Variants in SGK3 observed in about 807,000 individuals in gnomAD.
SGK3 encodes serine/threonine-protein kinase Sgk3.
A neutral mutation model predicts 68.5 loss-of-function variants in SGK3; 47 were observed. The ratio of observed to expected loss-of-function variants is 0.69; its 90% CI spans 0.54 to 0.87. The LOEUF is 0.87. Ranked by LOEUF, SGK3 falls within the 40% of genes least tolerant of loss-of-function variation. The pLI is 0.00. For synonymous variants in SGK3, 181 were observed against 189.1 expected (o/e 0.96, Z 0.35); for missense variants, 479 against 575.5 (o/e 0.83, Z 1.72).
chr8:66,759,709 C>T, intron 1 of SGK3, among the ~76,000 whole-genome samples: 1 of 152,096 alleles, frequency 6.6e-6, no homozygotes. Context: ...GTTGCCCAGG[C>T]TGGAGTGCAG....
chr8:66,718,181 A>G lies in SGK3; in HGVS notation c.-122+5348A>G, dbSNP rs1012734306. Among the ~76,000 whole-genome samples the G allele has an allele frequency of 4.6e-5, 7 of 151,092 alleles. No homozygotes were observed. The South Asian group carries it at 8.4e-4, about 18-fold the overall frequency. On this transcript the variant is annotated intron_variant, in intron 1 of 16. Transcript: ENST00000521198. ...GCTGGGACTACAGGCGCCTACCACC[A>G]TATCTGGCTAATTTTGTATTTTTAG...
At chr8:66,856,668 G>T (rs78312178) in intron 16 of SGK3, among the ~76,000 whole-genome samples, 4,306 of 152,222 alleles carry the variant, frequency 0.028, 114 homozygotes, top group African/African-American at 0.054. Context: ...GCAAGTCAGA[G>T]AACATTGCCA....
At chr8:66,747,598 C>G (rs373913816) in intron 1 of SGK3, among the ~76,000 whole-genome samples, 3 of 152,134 alleles carry the variant, frequency 2.0e-5, no homozygotes, top group African/African-American at 7.2e-5. Flanking sequence ...CACTTTGCCA[C>G]TCAGGCGAGA....
At position 66,735,788 on chromosome 8, in the gene SGK3, A is replaced by C. The variant is rs900602153; in HGVS notation, c.-122+22955A>C. ...TTCTTTTTTTTCTTAACCCTTCAGA[A>C]TTACATCCAAAATATCATTAAATTT... On this transcript the variant is annotated intron_variant, in intron 1 of 16. Transcript: ENST00000521198. Among the ~76,000 whole-genome samples the C allele has an allele frequency of 3.3e-5, 5 of 152,140 alleles. 1 individual carries two copies. Among genetic ancestry groups the C allele is most frequent in the Admixed American group, 3.3e-4 (5 of 15,266 alleles).
intron 1 of SGK3, among the ~76,000 whole-genome samples, chr8:66,742,806 C>G (rs1805520462): frequency 6.6e-6 from 1 of 152,198 alleles, no homozygotes; most frequent in Non-Finnish European, 1.5e-5. Flanking sequence ...GGAGTAAGAT[C>G]AGACTCAGCA....
At chr8:66,776,679 CTT>C (rs1806725647) in intron 1 of SGK3, among the ~76,000 whole-genome samples, 1 of 152,324 alleles carries the variant, frequency 6.6e-6, no homozygotes, top group Non-Finnish European at 1.5e-5. Context: ...TAGTTACTAT[CTT>C]TATCTTTGAC....
chr8:66,720,781 T>TTTTATATATA (rs1554590872), intron 1 of SGK3, among the ~76,000 whole-genome samples: 2 of 146,248 alleles, frequency 1.4e-5, no homozygotes, highest in African/African-American at 5.3e-5. Context: ...AAAAAAAAAA[T>TTTTATATATA]TATATATATA....
At chr8:66,842,343 C>G (rs1420118990) in intron 13 of SGK3, among the ~76,000 whole-genome samples, 2 of 151,892 alleles carry the variant, frequency 1.3e-5, no homozygotes, top group East Asian at 1.9e-4. Context: ...GCCTCAGCCC[C>G]CCGAGTAGCT....
intron 3 of SGK3, among the ~76,000 whole-genome samples, chr8:66,800,364 G>A (rs1807885059): frequency 6.8e-6 from 1 of 147,846 alleles, no homozygotes; most frequent in Non-Finnish European, 1.5e-5. Flanking sequence ...TGGCGGGGGG[G>A]GAGTTTTTTC....
chr8:66,826,007 C>CT (rs973680219), intron 6 of SGK3, among the ~76,000 whole-genome samples: 7 of 151,904 alleles, frequency 4.6e-5, no homozygotes, highest in African/African-American at 1.7e-4. Flanking sequence ...TGGAATCTCT[C>CT]TGTTGCCCAT....
intron 6 of SGK3, among the ~76,000 whole-genome samples, chr8:66,825,414 C>T (rs373657539): frequency 1.3e-3 from 202 of 151,328 alleles, no homozygotes; most frequent in African/African-American, 3.8e-3. Flanking sequence ...CTGCAAGCTC[C>T]GCCTCCCAGG....
At chr8:66,782,523 C>T (rs565683062) in intron 1 of SGK3, among the ~76,000 whole-genome samples, 8 of 152,226 alleles carry the variant, frequency 5.3e-5, no homozygotes, top group Admixed American at 1.3e-4. Context: ...AGGGTTCACT[C>T]CTGGTGTTGT....
intron 1 of SGK3, among the ~76,000 whole-genome samples, chr8:66,771,536 G>C (rs1806512279): frequency 1.3e-5 from 2 of 152,164 alleles, no homozygotes; most frequent in South Asian, 2.1e-4. Flanking sequence ...TGCTAACATA[G>C]GGAATTTACT....
chr8:66,841,210 A>C (rs1809785274), intron 13 of SGK3, 100 bp downstream of exon 13: 2 of 978,532 alleles, frequency 2.0e-6, no homozygotes, highest in South Asian at 5.5e-5. Context: ...AAGTAGAATA[A>C]AAACTGTCAT....
Position 66,796,321 on chromosome 8 carries a change from A to ATTTTTTTTTTT in SGK3, c.97-2200_97-2190dup, listed in dbSNP as rs71249408. Among the ~76,000 whole-genome samples the ATTTTTTTTTTT allele has an allele frequency of 1.6e-3, 66 of 41,362 alleles. 6 individuals carry two copies. Among genetic ancestry groups the ATTTTTTTTTTT allele is most frequent in the East Asian group, 6.7e-3 (6 of 892 alleles). 27.1% of individuals were successfully genotyped at this position (41,362 alleles called of 152,430 possible). On this transcript the variant is annotated intron_variant, in intron 2 of 16. Coordinates refer to ENST00000521198, the MANE Select transcript of SGK3 (RefSeq NM_001033578.3). Reference sequence around the variant, plus strand: ...CCAGCTAATTTTTTGTATTTTTTGTATTTTTTTTTTTTTTTTTTTTTTTTT... The same window carrying ATTTTTTTTTTT: ...CCAGCTAATTTTTTGTATTTTTTGTATTTTTTTTTTTTTTTTTTTTTTTTTTTTTTTTTTTT...
chr8:66,720,225 A>C (rs534295576), intron 1 of SGK3, among the ~76,000 whole-genome samples: 2 of 152,378 alleles, frequency 1.3e-5, no homozygotes, highest in Admixed American at 1.3e-4. Context: ...AAGATACAAG[A>C]TATTTAAGAA....
intron 1 of SGK3, among the ~76,000 whole-genome samples, chr8:66,723,118 TATA>T (rs1563595240): frequency 9.4e-5 from 5 of 53,376 alleles, no homozygotes; most frequent in African/African-American, 4.2e-4. Flanking sequence ...TATATATATA[TATA>T]TATATATATA....
chr8:66,834,165 A>G (rs1430025735), intron 8 of SGK3, among the ~76,000 whole-genome samples: 1 of 152,256 alleles, frequency 6.6e-6, no homozygotes, highest in South Asian at 2.1e-4. Context: ...TAAATAATCT[A>G]ATCTATCAGC....
At chr8:66,735,944 T>A (rs1180851361) in intron 1 of SGK3, among the ~76,000 whole-genome samples, 1 of 152,206 alleles carries the variant, frequency 6.6e-6, no homozygotes, top group Admixed American at 6.5e-5. Flanking sequence ...GTCTTTAAAA[T>A]TTACATGTTA....
Sources: allele counts gnomAD v4.1 joint callset (sites outside exome capture counted in the v4.1 genomes callset), GRCh38; gene constraint gnomAD v4.1.1; transcripts MANE v1.5; gene names NCBI Gene and HGNC (gene_info 2026-07-23, HGNC 2026-07-21).